The following WDR27 variants were observed in gnomAD, a reference collection of about 807,000 sequenced individuals.
WDR27 encodes WD repeat domain 27.
A neutral mutation model predicts 114.4 loss-of-function variants in WDR27; 100 were observed. That is an observed-to-expected ratio of 0.87 (90% CI 0.74 to 1.03). WDR27 has a LOEUF of 1.03. WDR27 is among the 50% of genes least tolerant of loss of function. The probability of loss-of-function intolerance (pLI) is 0.00; values close to 1 mark genes in which losing one functional copy is unlikely to be tolerated. For synonymous variants in WDR27, 449 were observed against 423.1 expected (o/e 1.06, Z -0.75); for missense variants, 1,129 against 1,092.9 (o/e 1.03, Z -0.47).
At position 169,681,559 on chromosome 6, in the gene WDR27, C is replaced by T. The variant is rs370390715; in HGVS notation, c.189+7258G>A. On this transcript the variant is annotated intron_variant, in intron 2 of 25. Transcript: ENST00000448612. ...GTTACCACCTCATTTGGCCTTGAGCCTGAAAACAAAACCAACAGCCAAAGG... is the reference window on the plus strand; with the variant it reads ...GTTACCACCTCATTTGGCCTTGAGCTTGAAAACAAAACCAACAGCCAAAGG... 2.2e-4 allele frequency among the ~76,000 whole-genome samples: 34 copies of T among 152,332 alleles called. No individual in the cohort carries two copies. The South Asian group carries it at 3.9e-3, about 18-fold the overall frequency.
intron 22 of WDR27, among the ~76,000 whole-genome samples, chr6:169,606,759 T>C (rs969399615): frequency 7.2e-5 from 11 of 152,228 alleles, no homozygotes; most frequent in African/African-American, 2.7e-4. Context: ...TTGTGAATAG[T>C]GCTGCAATGA....
intron 18 of WDR27, among the ~76,000 whole-genome samples, chr6:169,636,962 T>C (rs1360505953): frequency 7.9e-5 from 12 of 152,220 alleles, no homozygotes; most frequent in East Asian, 5.8e-4. Flanking sequence ...CCCTAGGTCT[T>C]CTTTAATTGA....
At chr6:169,633,590 C>T (rs975020750) in intron 20 of WDR27, among the ~76,000 whole-genome samples, 20 of 152,050 alleles carry the variant, frequency 1.3e-4, no homozygotes, top group African/African-American at 4.3e-4. Context: ...ACATTTAGGG[C>T]GCGTGTGACC....
chr6:169,484,002 C>G (rs996990113), intron 25 of WDR27, among the ~76,000 whole-genome samples: 3 of 152,072 alleles, frequency 2.0e-5, no homozygotes, highest in African/African-American at 7.2e-5. Context: ...TCTCAATAAA[C>G]TAGGTACTGA....
intron 22 of WDR27, among the ~76,000 whole-genome samples, chr6:169,606,201 T>C (rs776138583): frequency 2.0e-5 from 3 of 152,180 alleles, no homozygotes; most frequent in South Asian, 2.1e-4. Flanking sequence ...TTGCAAACTA[T>C]GCATTTTACA....
At chr6:169,672,552 T>C (rs1344658581) in intron 2 of WDR27, among the ~76,000 whole-genome samples, 156 bp from the exon 3 acceptor site, 1 of 152,276 alleles carries the variant, frequency 6.6e-6, no homozygotes, top group African/African-American at 2.4e-5. Flanking sequence ...ATCCCTGCTA[T>C]GTACTACTAA....
intron 25 of WDR27, among the ~76,000 whole-genome samples, chr6:169,471,909 C>A (rs1583623147): frequency 6.6e-6 from 1 of 152,332 alleles, no homozygotes; most frequent in East Asian, 1.9e-4. Flanking sequence ...GTGCATCTTG[C>A]TGCTTCCTCA....
chr6:169,671,736 C>T (rs1778803004), intron 3 of WDR27: 1 of 152,666 alleles, frequency 6.6e-6, no homozygotes, highest in South Asian at 2.1e-4. Context: ...GCACGCTGCC[C>T]TGGCCTCATC....
chr6:169,603,662 C>T (rs554812937), intron 22 of WDR27, among the ~76,000 whole-genome samples: 106 of 152,294 alleles, frequency 7.0e-4, no homozygotes, highest in Middle Eastern at 3.4e-3. Flanking sequence ...AGTGAAGAGG[C>T]CATAGAGAGC....
chr6:169,497,237 GA>G (rs1790522585), intron 25 of WDR27, among the ~76,000 whole-genome samples: 2 of 152,024 alleles, frequency 1.3e-5, no homozygotes, highest in African/African-American at 4.8e-5. Flanking sequence ...AATGAAGTTG[GA>G]ACTTTACCTA....
At chr6:169,686,045 T>C (rs959034045) in intron 2 of WDR27, among the ~76,000 whole-genome samples, 4 of 152,202 alleles carry the variant, frequency 2.6e-5, no homozygotes, top group Admixed American at 1.3e-4. Context: ...GGTTGCTATA[T>C]TCAAAGTACT....
rs543943917 is a variant in WDR27, at chr6:169,460,379, T to C, written c.2646-2745A>G. On this transcript the variant is annotated intron_variant, in intron 25 of 25. Transcript: ENST00000448612. ...GGTATAAATTCAAACTAGAGTGTTA[T>C]AACTTTAGAATACTACATGTAATTC... Among the ~76,000 whole-genome samples, 4 of 152,304 alleles carry C rather than the reference T, an allele frequency of 2.6e-5. No individual in the cohort carries two copies. In the South Asian group the frequency reaches 8.3e-4, roughly 32 times the overall value.
intron 25 of WDR27, among the ~76,000 whole-genome samples, chr6:169,473,781 C>T (rs1451694090): frequency 1.3e-5 from 2 of 152,228 alleles, no homozygotes; most frequent in African/African-American, 4.8e-5. Context: ...TCTCCTTACA[C>T]TTCTTTCTCT....
chr6:169,528,892 G>C (rs1795250875), intron 25 of WDR27, among the ~76,000 whole-genome samples: 1 of 152,126 alleles, frequency 6.6e-6, no homozygotes, highest in Non-Finnish European at 1.5e-5. Flanking sequence ...AGATACACAT[G>C]TTGGCCCAAA....
In WDR27 at chr6:169,685,794, A is replaced by C. The variant is rs531635046; in HGVS notation, c.189+3023T>G. 6.6e-5 allele frequency among the ~76,000 whole-genome samples: 10 copies of C among 152,346 alleles called. No homozygotes were observed. In the South Asian group the frequency reaches 1.4e-3, roughly 22 times the overall value. ...AAGGTGAGGAAGACATATTTAATAA[A>C]TCATAGCAGAGAACGTCTCAAGTCT... On this transcript the variant is annotated intron_variant, in intron 2 of 25. Transcript: ENST00000448612.
At chr6:169,647,057 C>A (rs1323249180) in intron 16 of WDR27, among the ~76,000 whole-genome samples, 5 of 152,146 alleles carry the variant, frequency 3.3e-5, no homozygotes, top group Non-Finnish European at 1.5e-5. Flanking sequence ...CAGGCAGGGG[C>A]ACAGCTTGCC....
chr6:169,553,196 T>G (rs1287473300), intron 25 of WDR27, among the ~76,000 whole-genome samples: 1 of 151,780 alleles, frequency 6.6e-6, no homozygotes, highest in African/African-American at 2.4e-5. Flanking sequence ...TCAGGGAATG[T>G]TTTCAGGCAG....
At chr6:169,666,909 G>T (rs1353199930) in intron 6 of WDR27, 1 of 985,308 alleles carries the variant, frequency 1.0e-6, no homozygotes, top group Non-Finnish European at 1.2e-6. Flanking sequence ...AAACAGAAAG[G>T]CCCAGACTCC....
At chr6:169,601,411 G>C (rs997346856) in intron 23 of WDR27, among the ~76,000 whole-genome samples, 6 of 152,150 alleles carry the variant, frequency 3.9e-5, no homozygotes, top group African/African-American at 1.2e-4. Flanking sequence ...TTATCATCAT[G>C]ACTAGAAATG....
Sources: gnomAD v4.1 joint callset for allele counts (sites outside exome capture counted in the v4.1 genomes callset) on GRCh38, gnomAD v4.1.1 for gene constraint, MANE v1.5 for transcripts, NCBI Gene and HGNC (gene_info 2026-07-23, HGNC 2026-07-21) for gene names.